Variants in CHRNA9 observed in about 807,000 individuals in gnomAD.
CHRNA9 encodes the protein cholinergic receptor nicotinic alpha 9 subunit.
Under a neutral mutation model 36.8 loss-of-function variants are expected in CHRNA9, and 24 were observed. That is an observed-to-expected ratio of 0.65 (90% confidence interval 0.47 to 0.92). The LOEUF (loss-of-function observed/expected upper bound fraction) is 0.92. Ranked by LOEUF, CHRNA9 falls within the 40% of genes least tolerant of loss-of-function variation. The pLI, the probability that CHRNA9 is intolerant of heterozygous loss-of-function variation, is 0.00. For synonymous variants in CHRNA9, 231 were observed against 231.8 expected (o/e 1.00, Z 0.03); for missense variants, 610 against 601.2 (o/e 1.01, Z -0.15).
At position 40,353,027 on chromosome 4, in the gene CHRNA9, C is replaced by T. The variant is rs79453872; in HGVS notation, c.899-952C>T. On this transcript the variant is annotated intron_variant, in intron 4 of 4. Transcript: ENST00000310169. ...TCAATTACGCCTCCTCATATTCCTG[C>T]GAGTTAGATATTATTATTACACCCA... is the stretch of plus-strand genomic sequence containing the variant. Among the ~76,000 whole-genome samples, 1,452 of 152,208 alleles carry T rather than the reference C, an allele frequency of 9.5e-3. 25 individuals are homozygous for T. Among genetic ancestry groups the T allele is most frequent in the African/African-American group, 0.032 (1,341 of 41,520 alleles).
At chr4:40,341,815 G>A (rs1712509238) in intron 3 of CHRNA9, among the ~76,000 whole-genome samples, 1 of 152,212 alleles carries the variant, frequency 6.6e-6, no homozygotes, top group African/African-American at 2.4e-5. Context: ...ACGACCTGTA[G>A]TCAAGACCCT....
chr4:40,341,055 T>C (rs1712487596), intron 3 of CHRNA9, among the ~76,000 whole-genome samples: 1 of 150,248 alleles, frequency 6.7e-6, no homozygotes, highest in Admixed American at 6.6e-5. Context: ...TTTTTAGCAA[T>C]GTAACAGTTC....
Position 40,348,987 on chromosome 4 carries a change from G to A in CHRNA9, c.471G>A (p.Val157=), listed in dbSNP as rs1712715877. ...APAITKSSCV[V]DVTYFPFDNQ... ...CCATCACCAAAAGCTCCTGTGTGGT[G>A]GATGTCACCTACTTCCCTTTTGACA... The change falls in exon 4 of 5, where the codon GTG becomes GTA. Residue 157 remains valine, a synonymous_variant. Transcript: ENST00000310169. 1 of 1,614,214 alleles carries A rather than the reference G, an allele frequency of 6.2e-7. No homozygotes were observed. The highest frequency in any genetic ancestry group is 2.2e-5 in the East Asian group (1 of 44,890).
intron 2 of CHRNA9, 33 bp downstream of exon 2, chr4:40,336,005 G>C: frequency 6.4e-7 from 1 of 1,572,172 alleles, no homozygotes; most frequent in East Asian, 2.2e-5. Context: ...TCTGTGGAAT[G>C]ATTCTTAGAG....
intron 3 of CHRNA9, among the ~76,000 whole-genome samples, chr4:40,343,109 C>A (rs764370206): frequency 1.1e-4 from 16 of 152,176 alleles, no homozygotes; most frequent in African/African-American, 3.9e-4. Context: ...CATTTACCAG[C>A]CTGCTCCTCT....
chr4:40,336,081 T>C (rs1438678408), intron 2 of CHRNA9, 109 bp downstream of exon 2: 1 of 898,864 alleles, frequency 1.1e-6, no homozygotes, highest in Non-Finnish European at 1.7e-6. Context: ...TGATAGCTCC[T>C]TAAGCAAGCT....
chr4:40,347,976 C>T (rs1183264281), intron 3 of CHRNA9: 1 of 152,174 alleles, frequency 6.6e-6, no homozygotes, highest in Non-Finnish European at 1.5e-5. Context: ...GGATGTGGCA[C>T]ATCTCATTGA....
At chr4:40,347,567 AT>A (rs1440161011) in intron 3 of CHRNA9, among the ~76,000 whole-genome samples, 1 of 151,954 alleles carries the variant, frequency 6.6e-6, no homozygotes, top group African/African-American at 2.4e-5. Context: ...TTTCCCTTTT[AT>A]TTTTTTGCAA....
intron 4 of CHRNA9, chr4:40,349,703 A>C: frequency 6.2e-6 from 2 of 322,398 alleles, no homozygotes; most frequent in Non-Finnish European, 1.1e-5. Flanking sequence ...CAGCATCGGC[A>C]TCCCCTGGGA....
chr4:40,349,812 G>A (rs1423241638), intron 4 of CHRNA9: 1 of 172,290 alleles, frequency 5.8e-6, no homozygotes, highest in East Asian at 1.6e-4. Flanking sequence ...AGGCTTATGG[G>A]TGATTCTGAT....
intron 3 of CHRNA9, 81 bp from the exon 4 acceptor site, chr4:40,348,800 TG>T: frequency 1.5e-6 from 2 of 1,361,598 alleles, no homozygotes; most frequent in Non-Finnish European, 1.0e-6. Context: ...ACTGAAGTGA[TG>T]GGGACAGTGA....
chr4:40,348,279 A>G (rs1343347514), intron 3 of CHRNA9: 1 of 152,534 alleles, frequency 6.6e-6, no homozygotes. Context: ...CGGGAGAAAG[A>G]GTAATTCCCT....
chr4:40,344,139 T>C (rs774457095), intron 3 of CHRNA9, among the ~76,000 whole-genome samples: 1 of 152,228 alleles, frequency 6.6e-6, no homozygotes, highest in Non-Finnish European at 1.5e-5. Context: ...AGGCAACAGA[T>C]CTTCCCCTGG....
intron 4 of CHRNA9, among the ~76,000 whole-genome samples, chr4:40,352,572 T>G (rs1208142389): frequency 6.6e-6 from 1 of 151,834 alleles, no homozygotes; most frequent in Non-Finnish European, 1.5e-5. Flanking sequence ...TTTTCCATCT[T>G]CTCTCTCTCT....
chr4:40,337,650 G>T (rs529301840), intron 3 of CHRNA9, among the ~76,000 whole-genome samples: 6 of 152,302 alleles, frequency 3.9e-5, no homozygotes, highest in African/African-American at 1.4e-4. Flanking sequence ...GAGTAGCACA[G>T]ATTAGATGAC....
In CHRNA9 at chr4:40,337,263, C is replaced by A. The variant is rs755484152; in HGVS notation, c.264C>A (p.His88Gln). 1.2e-6 allele frequency: 2 copies of A among 1,614,138 alleles called. No individual in the cohort carries two copies. The highest frequency in any genetic ancestry group is 4.5e-5 in the East Asian group (2 of 44,874). The part of the protein sequence containing the change: ...TAYLWIRQIW[H>Q]DAYLTWDRDQ... ...ATTTGTGGATCCGCCAAATCTGGCACGATGCCTATCTCACGTGGGACCGAG... is the reference window on the plus strand; with the variant it reads ...ATTTGTGGATCCGCCAAATCTGGCAAGATGCCTATCTCACGTGGGACCGAG... The change falls in exon 3 of 5, where the codon CAC becomes CAA. Residue 88 changes from histidine to glutamine, a missense_variant. His to Gln is a conservative substitution (Grantham distance 24). Coordinates refer to ENST00000310169, the MANE Select transcript of CHRNA9 (RefSeq NM_017581.4).
At chr4:40,339,148 G>A (rs1207812525) in intron 3 of CHRNA9, among the ~76,000 whole-genome samples, 5 of 151,208 alleles carry the variant, frequency 3.3e-5, no homozygotes, top group East Asian at 2.0e-4. Context: ...GTGTGGTGGC[G>A]GGCGCCTGTA....
intron 1 of CHRNA9, 40 bp downstream of exon 1, chr4:40,335,571 G>A (rs763554176): frequency 8.7e-6 from 13 of 1,501,624 alleles, no homozygotes; most frequent in Non-Finnish European, 1.2e-5. Context: ...TGTCTCATCT[G>A]GGGCTATTGC....
chr4:40,337,440 G>C, intron 3 of CHRNA9, 76 bp downstream of exon 3: 1 of 1,504,442 alleles, frequency 6.6e-7, no homozygotes, highest in Admixed American at 2.0e-5. Flanking sequence ...AATGAAAAAG[G>C]AATGTTTAAA....
Sources: gnomAD v4.1 joint callset for allele counts (sites outside exome capture counted in the v4.1 genomes callset) on GRCh38, gnomAD v4.1.1 for gene constraint, MANE v1.5 for transcripts, NCBI Gene and HGNC (gene_info 2026-07-23, HGNC 2026-07-21) for gene names.